The following NAMPT variants were observed in gnomAD, a reference collection of about 807,000 sequenced individuals.
The protein encoded by NAMPT is nicotinamide phosphoribosyltransferase.
A neutral mutation model predicts 58.7 loss-of-function variants in NAMPT; 7 were observed. The ratio of observed to expected loss-of-function variants is 0.12; its 90% CI spans 0.07 to 0.22. NAMPT has a LOEUF of 0.22. Ranked by LOEUF, NAMPT falls within the 10% of genes least tolerant of loss-of-function variation. The probability of loss-of-function intolerance (pLI) is 1.00; values close to 1 mark genes in which losing one functional copy is unlikely to be tolerated. For missense variants in NAMPT, 271 were observed against 567.9 expected (o/e 0.48, Z 5.31); for synonymous variants, 145 against 198.1 (o/e 0.73, Z 2.25).
At chr7:106,279,261 A>C (rs778501452) in intron 1 of NAMPT, among the ~76,000 whole-genome samples, 1 of 152,322 alleles carries the variant, frequency 6.6e-6, no homozygotes, top group Admixed American at 6.5e-5. Flanking sequence ...TATGAACTCT[A>C]AAAATCTTTG....
intron 1 of NAMPT, among the ~76,000 whole-genome samples, chr7:106,279,419 C>T (rs1792716437): frequency 9.4e-6 from 1 of 106,770 alleles, no homozygotes; most frequent in Non-Finnish European, 2.2e-5. Flanking sequence ...ATGTTTAGGT[C>T]TACTTATAGG....
chr7:106,267,876 A>AAAACAAAAAAAAAC (rs1189395299), intron 6 of NAMPT, among the ~76,000 whole-genome samples: 5 of 130,394 alleles, frequency 3.8e-5, no homozygotes, highest in Non-Finnish European at 8.4e-5. Flanking sequence ...AAAAAAAAAA[A>AAAACAAAAAAAAAC]CAACCTGATT....
chr7:106,256,160 T>C (rs181077114), intron 8 of NAMPT, among the ~76,000 whole-genome samples: 161 of 152,272 alleles, frequency 1.1e-3, no homozygotes, highest in African/African-American at 3.7e-3. Flanking sequence ...ATCACTCCAA[T>C]AGAAGTTTCA....
chr7:106,276,840 T>G, intron 2 of NAMPT, 183 bp downstream of exon 2: 1 of 534,778 alleles, frequency 1.9e-6, no homozygotes, highest in Non-Finnish European at 3.3e-6. Context: ...GAAACTCGGT[T>G]TCCAAAAAAA....
intron 4 of NAMPT, chr7:106,270,299 GA>G: frequency 7.1e-6 from 3 of 421,430 alleles, no homozygotes; most frequent in Non-Finnish European, 1.0e-5. Context: ...AAATCTGTTT[GA>G]AAAAGAGCTG....
chr7:106,285,381 G>A (rs1792859633), upstream of NAMPT: 4 of 446,624 alleles, frequency 9.0e-6, no homozygotes, highest in Non-Finnish European at 1.2e-5. Flanking sequence ...TCCCAGCTTT[G>A]CCAGTGCCAC....
Position 106,277,050 on chromosome 7 carries a change from G to A in NAMPT, c.187C>T (p.Gln63Ter). The change falls in exon 2 of 11, where the codon CAG (glutamine) becomes TAG (stop). Residue 63 changes from glutamine to a stop codon, truncating the protein, a stop_gained. Coordinates refer to ENST00000222553, the MANE Select transcript of NAMPT (RefSeq NM_005746.3). LOFTEE classifies it high-confidence loss of function. ...KYEETVFYGL[Q>*]YILNKYLKGK... ...TTTAAGTACTTATTAAGAATGTACT[G>A]CAACCCATAAAATACTGTTTCCTCA... 2 of 1,594,488 alleles carry A rather than the reference G, an allele frequency of 1.3e-6. No individual in the cohort carries two copies. Among genetic ancestry groups the A allele is most frequent in the Non-Finnish European group, 1.7e-6 (2 of 1,162,254 alleles).
intron 4 of NAMPT, chr7:106,270,264 C>G (rs755127959): frequency 2.7e-5 from 11 of 410,406 alleles, no homozygotes; most frequent in Non-Finnish European, 5.7e-5. Flanking sequence ...ATTTTATAAA[C>G]CAGATTGTTA....
At chr7:106,285,257 A>G (rs1210510954), upstream of NAMPT, 4 of 870,954 alleles carry the variant, frequency 4.6e-6, no homozygotes, top group African/African-American at 5.4e-5. Flanking sequence ...TTCCTCCCAG[A>G]CGCCAGCTCT....
chr7:106,272,400 T>A (rs2115799172), intron 4 of NAMPT, 130 bp downstream of exon 4: 1 of 727,562 alleles, frequency 1.4e-6, no homozygotes. Context: ...ATGAGGAAAT[T>A]GAAGCCTGGA....
intron 1 of NAMPT, among the ~76,000 whole-genome samples, chr7:106,281,948 A>G (rs1450615324): frequency 6.6e-6 from 1 of 152,226 alleles, no homozygotes; most frequent in South Asian, 2.1e-4. Context: ...CCTATGAAGT[A>G]TATTCATGAT....
chr7:106,285,022 AG>A, upstream of NAMPT: 1 of 1,411,284 alleles, frequency 7.1e-7, no homozygotes, highest in East Asian at 2.8e-5. Context: ...GGAAACGGAG[AG>A]AGGGGAGGGG....
At chr7:106,258,198 C>A (rs1180447798) in intron 8 of NAMPT, among the ~76,000 whole-genome samples, 1 of 152,192 alleles carries the variant, frequency 6.6e-6, no homozygotes, top group African/African-American at 2.4e-5. Flanking sequence ...GTGGAAGAAA[C>A]CTCATCTCTG....
chr7:106,249,722 T>A lies in NAMPT; in HGVS notation c.*1361A>T, dbSNP rs1237428524. 6.6e-6 allele frequency: 1 copy of A among 152,032 alleles called. No homozygotes were observed. Among genetic ancestry groups the A allele is most frequent in the East Asian group, 1.9e-4 (1 of 5,202 alleles). 9.4% of individuals were successfully genotyped at this position (152,032 alleles called of 1,614,324 possible). On this transcript the variant is annotated 3_prime_UTR_variant, in exon 11 of 11. Coordinates refer to ENST00000222553, the MANE Select transcript of NAMPT (RefSeq NM_005746.3). The stretch of plus-strand genomic sequence containing the variant: ...GTAGTGGGAAAGCAGCCATAGACAA[T>A]CTGCATTTATAAAAAGAAGTCCAAA...
At chr7:106,256,752 G>C (rs916634896) in intron 8 of NAMPT, among the ~76,000 whole-genome samples, 1 of 152,224 alleles carries the variant, frequency 6.6e-6, no homozygotes, top group Non-Finnish European at 1.5e-5. Context: ...TAGTAGGTTA[G>C]GTATAATAAA....
upstream of NAMPT, chr7:106,285,241 G>A: frequency 5.3e-6 from 5 of 942,118 alleles, no homozygotes; most frequent in Non-Finnish European, 6.6e-6. Context: ...CGTGATGCAC[G>A]CGCTCTTCCT....
intron 8 of NAMPT, among the ~76,000 whole-genome samples, chr7:106,258,620 C>T (rs146917792): frequency 2.0e-5 from 3 of 152,298 alleles, no homozygotes; most frequent in Non-Finnish European, 2.9e-5. Context: ...TGCAATAAAG[C>T]AAGTCACGGG....
chr7:106,253,145 C>A lies in NAMPT; in HGVS notation c.1237G>T (p.Val413Phe). Reference sequence around the variant, plus strand: ...GGATCAGCAACTGGGTCCTTGAAGACGTTAATCTGAAATCCAAATTAAGAA... The same window carrying A: ...GGATCAGCAACTGGGTCCTTGAAGAAGTTAATCTGAAATCCAAATTAAGAA... The part of the protein sequence containing the change: ...YVVTNGLGIN[V>F]FKDPVADPNK... Residue 413 changes from valine to phenylalanine, a missense_variant, in exon 10 of 11, where the codon GTC becomes TTC. By Grantham distance (50) the Val-to-Phe change is conservative. Coordinates refer to ENST00000222553, the MANE Select transcript of NAMPT (RefSeq NM_005746.3). 1 of 1,611,356 alleles carries A rather than the reference C, an allele frequency of 6.2e-7. No individual in the cohort carries two copies. The highest frequency in any genetic ancestry group is 8.5e-7 in the Non-Finnish European group (1 of 1,178,860).
chr7:106,259,101 CAGT>C (rs373887812), intron 8 of NAMPT, among the ~76,000 whole-genome samples: 44 of 152,322 alleles, frequency 2.9e-4, no homozygotes, highest in South Asian at 8.3e-4. Flanking sequence ...TCTTTGCCAG[CAGT>C]AGATTTCATC....
Sources: allele counts gnomAD v4.1 joint callset (sites outside exome capture counted in the v4.1 genomes callset), GRCh38; gene constraint gnomAD v4.1.1; transcripts MANE v1.5; gene names NCBI Gene and HGNC (gene_info 2026-07-23, HGNC 2026-07-21).